The following IRAK1BP1 variants were observed in gnomAD, a reference collection of about 807,000 sequenced individuals.
IRAK1BP1 encodes interleukin 1 receptor associated kinase 1 binding protein 1.
IRAK1BP1 carries 24 observed loss-of-function variants against 28.0 expected under a neutral mutation model. The ratio of observed to expected loss-of-function variants is 0.86; its 90% CI spans 0.62 to 1.20. The LOEUF is 1.20. Ranked by LOEUF, IRAK1BP1 falls within the 50% of genes most tolerant of loss-of-function variation. IRAK1BP1 has a pLI of 0.00. For missense variants in IRAK1BP1, 336 were observed against 316.7 expected (o/e 1.06, Z -0.46); for synonymous variants, 131 against 116.3 (o/e 1.13, Z -0.81).
At chr6:78,953,711 A>G in the IRAK1BP1 span, among the ~76,000 whole-genome samples, 1 of 152,214 alleles carries the variant, frequency 6.6e-6, no homozygotes, top group South Asian at 2.1e-4. Context: ...AAATTTCTTT[A>G]TTTTCATCAT....
At chr6:78,943,188 T>C (rs868432223) in intron 4 of IRAK1BP1, among the ~76,000 whole-genome samples, 3 of 152,190 alleles carry the variant, frequency 2.0e-5, no homozygotes, top group Non-Finnish European at 4.4e-5. Flanking sequence ...ATTACATATA[T>C]GGCTTGTATT....
At chr6:78,917,980 A>G (rs1280471746) in intron 4 of IRAK1BP1, among the ~76,000 whole-genome samples, 5 of 152,234 alleles carry the variant, frequency 3.3e-5, no homozygotes, top group Admixed American at 3.3e-4. Context: ...ACTTAAGTAC[A>G]TAGCCCACAA....
downstream of IRAK1BP1, among the ~76,000 whole-genome samples, chr6:78,948,644 G>A (rs375398611): frequency 5.9e-5 from 9 of 152,098 alleles, no homozygotes; most frequent in Non-Finnish European, 5.9e-5. Flanking sequence ...ACAGGCAGGC[G>A]CTACCACACC....
At chr6:78,975,177 G>A in the IRAK1BP1 span, among the ~76,000 whole-genome samples, 316 of 151,980 alleles carry the variant, frequency 2.1e-3, 1 homozygote, top group African/African-American at 6.7e-3. Context: ...TATCCACCAT[G>A]AACAAGTGGG....
the IRAK1BP1 span, among the ~76,000 whole-genome samples, chr6:78,972,007 G>C: frequency 7.0e-4 from 106 of 152,176 alleles, 1 homozygote; most frequent in South Asian, 8.7e-3. Flanking sequence ...CGGGAAGCTC[G>C]AACTGGGTGG....
the IRAK1BP1 span, among the ~76,000 whole-genome samples, chr6:78,962,820 T>G: frequency 6.6e-6 from 1 of 152,162 alleles, no homozygotes; most frequent in African/African-American, 2.4e-5. Flanking sequence ...TCAAGTGTTT[T>G]AAATTGGGTT....
the IRAK1BP1 span, among the ~76,000 whole-genome samples, chr6:78,953,773 A>T: frequency 1.3e-5 from 2 of 152,098 alleles, no homozygotes; most frequent in Admixed American, 6.5e-5. Flanking sequence ...TTTAGTAGAG[A>T]CGGGATTTTA....
intron 3 of IRAK1BP1, 39 bp downstream of exon 3, chr6:78,897,998 A>T (rs756778731): frequency 1.2e-5 from 20 of 1,610,432 alleles, no homozygotes; most frequent in Non-Finnish European, 1.6e-5. Flanking sequence ...TATTCTTTAA[A>T]CAAAACTATC....
rs1192338439 is a variant in IRAK1BP1, at chr6:78,893,085, GA to G, written c.382-4734del. On this transcript the variant is annotated intron_variant, in intron 2 of 3. Coordinates refer to ENST00000369940, the MANE Select transcript of IRAK1BP1 (RefSeq NM_001010844.4). ...CAACTAACCCTAAGCACAAGAAATT[GA>G]AAAAAAAAATGCACCAGTACACATT... Among the ~76,000 whole-genome samples, 13 of 142,796 alleles carry G rather than the reference GA, an allele frequency of 9.1e-5. No homozygotes were observed. The East Asian group carries it at 1.4e-3, about 16-fold the overall frequency. The allele number at this position is 142,796 out of a possible 152,430, so 93.7% of individuals were successfully genotyped here.
chr6:78,894,277 A>G (rs1004174117), intron 2 of IRAK1BP1, among the ~76,000 whole-genome samples: 9 of 152,364 alleles, frequency 5.9e-5, no homozygotes, highest in East Asian at 1.9e-4. Flanking sequence ...AATGGTCCAC[A>G]TACCTTCATT....
downstream of IRAK1BP1, among the ~76,000 whole-genome samples, chr6:78,949,483 C>T (rs1252679618): frequency 1.3e-5 from 2 of 152,040 alleles, no homozygotes; most frequent in African/African-American, 2.4e-5. Context: ...ATACCTGTGC[C>T]CCAGGGCCCA....
rs192731913 is a variant in IRAK1BP1 at position 78,892,833 on chromosome 6, T to G, written c.382-4996T>G. 1.5e-3 allele frequency among the ~76,000 whole-genome samples: 227 copies of G among 152,222 alleles called. 2 individuals are homozygous for G. The Middle Eastern group carries it at 0.041, about 27-fold the overall frequency. On this transcript the variant is annotated intron_variant, in intron 2 of 3. Coordinates refer to ENST00000369940, the MANE Select transcript of IRAK1BP1 (RefSeq NM_001010844.4). Reference sequence around the variant, plus strand: ...AATTAGACCTTACACAAGACGTGCTTAGTGAACCTGAAAATGTAGCAATAA... The same window carrying G: ...AATTAGACCTTACACAAGACGTGCTGAGTGAACCTGAAAATGTAGCAATAA...
intron 2 of IRAK1BP1, among the ~76,000 whole-genome samples, chr6:78,888,559 C>T (rs2127647981): frequency 6.6e-6 from 1 of 151,492 alleles, no homozygotes; most frequent in East Asian, 2.0e-4. Context: ...ACTCTGTCAC[C>T]CAGGCTGAAG....
the IRAK1BP1 span, among the ~76,000 whole-genome samples, chr6:78,975,316 A>T: frequency 6.0e-4 from 92 of 152,296 alleles, 1 homozygote; most frequent in South Asian, 7.3e-3. Flanking sequence ...TTTGACAAAA[A>T]TCAACAACCT....
At chr6:78,950,727 C>T (rs939617884), downstream of IRAK1BP1, among the ~76,000 whole-genome samples, 11 of 152,162 alleles carry the variant, frequency 7.2e-5, no homozygotes, top group Non-Finnish European at 1.5e-5. Context: ...TCTGTCTTCT[C>T]TCTTTATAAG....
chr6:78,914,664 G>A (rs1772512040), intron 4 of IRAK1BP1, among the ~76,000 whole-genome samples: 1 of 152,062 alleles, frequency 6.6e-6, no homozygotes. Context: ...ATTTATAATT[G>A]CTAGAAAGAT....
At chr6:78,965,102 T>C in the IRAK1BP1 span, among the ~76,000 whole-genome samples, 1 of 152,138 alleles carries the variant, frequency 6.6e-6, no homozygotes, top group South Asian at 2.1e-4. Flanking sequence ...ATATGCATAA[T>C]GACAGTTATA....
rs1218130637 is a variant in IRAK1BP1, at chr6:78,898,140, T to G, written c.589T>G (p.Leu197Val). The change falls in exon 4 of 4, where the codon TTA (leucine) becomes GTA (valine). Residue 197 changes from leucine (L) to valine (V), a missense_variant. Leu to Val is a conservative substitution (Grantham distance 32, BLOSUM62 1). Coordinates refer to ENST00000369940, the MANE Select transcript of IRAK1BP1 (RefSeq NM_001010844.4). ...QEVCNLVGQT[L>V]GKPLLIKEEE... ...AGTCTGTAACCTTGTTGGCCAAACC[T>G]TAGGAAAACCTTTACTAATCAAAGA... is the stretch of plus-strand genomic sequence containing the variant. The G allele has an allele frequency of 1.2e-6, 2 of 1,613,764 alleles. No homozygotes were observed. Among genetic ancestry groups the G allele is most frequent in the Admixed American group, 1.7e-5 (1 of 59,974 alleles).
intron 2 of IRAK1BP1, among the ~76,000 whole-genome samples, chr6:78,888,448 C>T (rs182194190): frequency 1.6e-4 from 25 of 152,072 alleles, no homozygotes; most frequent in Admixed American, 1.4e-3. Context: ...ATGCGTATGT[C>T]CAAACTCATC....
Sources: gnomAD v4.1 joint callset for allele counts (sites outside exome capture counted in the v4.1 genomes callset) on GRCh38, gnomAD v4.1.1 for gene constraint, MANE v1.5 for transcripts, NCBI Gene and HGNC (gene_info 2026-07-23, HGNC 2026-07-21) for gene names.